The following ARHGAP6 variants were observed in gnomAD, a reference collection of about 807,000 sequenced individuals.
The protein encoded by ARHGAP6 is rho GTPase-activating protein 6.
Under a neutral mutation model 55.7 loss-of-function variants are expected in ARHGAP6, and 16 were observed. That is an observed-to-expected ratio of 0.29 (90% CI 0.19 to 0.44). ARHGAP6 has a LOEUF of 0.44. Among genes scored for constraint, ARHGAP6 ranks in the 20% least tolerant of loss-of-function variants. The pLI is 1.00. For synonymous variants in ARHGAP6, 382 were observed against 360.9 expected (o/e 1.06, Z -0.66); for missense variants, 698 against 808.9 (o/e 0.86, Z 1.66).
At chrX:11,151,696 T>C (rs1250116887) in intron 10 of ARHGAP6, among the ~76,000 whole-genome samples, 1 of 112,327 alleles carries the variant, frequency 8.9e-6, no homozygotes, top group Non-Finnish European at 1.9e-5. Flanking sequence ...ACTAAATGTT[T>C]GCTCTTTCAA....
At chrX:11,298,788 C>A (rs938995045) in intron 1 of ARHGAP6, 1 of 1,208,650 alleles carries the variant, frequency 8.3e-7, no homozygotes, top group African/African-American at 1.8e-5. Context: ...GCCCTACCAG[C>A]CCCAGCCTGT....
At chrX:11,153,323 G>A (rs753182575) in intron 10 of ARHGAP6, among the ~76,000 whole-genome samples, 46 of 109,318 alleles carry the variant, frequency 4.2e-4, no homozygotes, top group Admixed American at 8.8e-4. Flanking sequence ...TCAGGAGTTC[G>A]AGACCAGTCT....
At chrX:11,315,834 G>T (rs953687564) in intron 1 of ARHGAP6, among the ~76,000 whole-genome samples, 3 of 111,919 alleles carry the variant, frequency 2.7e-5, no homozygotes, top group Non-Finnish European at 5.6e-5. Flanking sequence ...CCTCTTTGGT[G>T]ATTTTAACCA....
chrX:11,591,048 C>T (rs993521884), intron 1 of ARHGAP6, among the ~76,000 whole-genome samples: 16 of 107,960 alleles, frequency 1.5e-4, no homozygotes, highest in Admixed American at 8.0e-4. Context: ...AAAAATTAGC[C>T]GGGCGTGGTG....
intron 1 of ARHGAP6, among the ~76,000 whole-genome samples, chrX:11,450,203 A>AGTGTGTGTGTGT (rs34050296): frequency 1.7e-3 from 150 of 90,177 alleles, no homozygotes; most frequent in African/African-American, 5.7e-3. Flanking sequence ...ACAAATAATA[A>AGTGTGTGTGTGT]GTGTGTGTGT....
chrX:11,437,327 G>C (rs1241558114), intron 1 of ARHGAP6, among the ~76,000 whole-genome samples: 1 of 112,429 alleles, frequency 8.9e-6, no homozygotes, highest in Non-Finnish European at 1.9e-5. Context: ...ACTGCAACAT[G>C]AGTAGTGCAA....
chrX:11,227,793 C>CTTT (rs199899751), intron 2 of ARHGAP6, among the ~76,000 whole-genome samples: 11 of 108,227 alleles, frequency 1.0e-4, no homozygotes, highest in African/African-American at 3.4e-4. Context: ...CTTTCTTTTT[C>CTTT]TTTTTTCTTT....
At chrX:11,453,838 A>T (rs1423734319) in intron 1 of ARHGAP6, among the ~76,000 whole-genome samples, 1 of 112,145 alleles carries the variant, frequency 8.9e-6, no homozygotes, top group East Asian at 2.8e-4. Context: ...ACATTTTAAG[A>T]TGCATTAATA....
At chrX:11,361,520 C>T (rs1338676874) in intron 1 of ARHGAP6, among the ~76,000 whole-genome samples, 8 of 110,814 alleles carry the variant, frequency 7.2e-5, no homozygotes, top group African/African-American at 1.6e-4. Context: ...GGATTAAAGA[C>T]TTAAATGTTA....
chrX:11,359,046 T>C (rs961799170), intron 1 of ARHGAP6, among the ~76,000 whole-genome samples: 1 of 112,272 alleles, frequency 8.9e-6, no homozygotes, highest in East Asian at 2.8e-4. Context: ...TGTAAAAAAA[T>C]GGGTAAATTC....
chrX:11,487,446 A>G (rs2050522480), intron 1 of ARHGAP6, among the ~76,000 whole-genome samples: 1 of 112,077 alleles, frequency 8.9e-6, no homozygotes, highest in African/African-American at 3.2e-5. Context: ...TATTGAAAGA[A>G]CACAGTAAGC....
chrX:11,393,751 A>G (rs1434574446), intron 1 of ARHGAP6, among the ~76,000 whole-genome samples: 1 of 111,761 alleles, frequency 8.9e-6, no homozygotes, highest in Non-Finnish European at 1.9e-5. Flanking sequence ...TGGCTTTGAG[A>G]GGCAGAGCTA....
At chrX:11,178,785 G>C (rs182398555) in intron 7 of ARHGAP6, among the ~76,000 whole-genome samples, 1 of 112,126 alleles carries the variant, frequency 8.9e-6, no homozygotes, top group East Asian at 2.8e-4. Flanking sequence ...AATGTATGGA[G>C]GTTGACCCAG....
intron 1 of ARHGAP6, among the ~76,000 whole-genome samples, chrX:11,257,822 C>A (rs1473927590): frequency 9.0e-6 from 1 of 111,717 alleles, no homozygotes; most frequent in Non-Finnish European, 1.9e-5. Flanking sequence ...TGTTATCTAT[C>A]TGGAGGATCA....
At chrX:11,620,057 G>A (rs751221092) in intron 1 of ARHGAP6, among the ~76,000 whole-genome samples, 2 of 111,689 alleles carry the variant, frequency 1.8e-5, no homozygotes, top group Non-Finnish European at 3.8e-5. Context: ...ATTCCAATGA[G>A]GTCATACACA....
At chrX:11,153,710 CA>C (rs1251664340) in intron 10 of ARHGAP6, among the ~76,000 whole-genome samples, 7 of 110,118 alleles carry the variant, frequency 6.4e-5, no homozygotes, top group Non-Finnish European at 1.3e-4. Context: ...AAACAAAAAC[CA>C]AACACTTTCT....
At chrX:11,307,126 C>T (rs2048246395) in intron 1 of ARHGAP6, among the ~76,000 whole-genome samples, 1 of 111,050 alleles carries the variant, frequency 9.0e-6, no homozygotes, top group Admixed American at 9.6e-5. Flanking sequence ...CTTTCTCTCA[C>T]TGATTAGTTC....
chrX:11,437,433 T>C (rs2049997968), intron 1 of ARHGAP6, among the ~76,000 whole-genome samples: 1 of 112,466 alleles, frequency 8.9e-6, no homozygotes, highest in East Asian at 2.8e-4. Context: ...GTCTTAATAA[T>C]ATATGTGCTT....
intron 1 of ARHGAP6, among the ~76,000 whole-genome samples, chrX:11,608,969 A>C (rs2052070083): frequency 9.0e-6 from 1 of 111,622 alleles, no homozygotes; most frequent in African/African-American, 3.3e-5. Context: ...CCTATGGGGC[A>C]CCAGGAATGG....
Sources: gnomAD v4.1 joint callset for allele counts (sites outside exome capture counted in the v4.1 genomes callset) on GRCh38, gnomAD v4.1.1 for gene constraint, MANE v1.5 for transcripts, NCBI Gene and HGNC (gene_info 2026-07-23, HGNC 2026-07-21) for gene names.